Variants in GRID2 observed in about 807,000 individuals in gnomAD.
The protein encoded by GRID2 is glutamate receptor ionotropic, delta-2.
In GRID2, 33 loss-of-function variants were observed where a neutral mutation model predicts 114.8. The ratio of observed to expected loss-of-function variants is 0.29; its 90% CI spans 0.22 to 0.38. The LOEUF is 0.38. GRID2 is among the 10% of genes least tolerant of loss of function. The probability of loss-of-function intolerance (pLI) is 1.00; values close to 1 mark genes in which losing one functional copy is unlikely to be tolerated. For synonymous variants in GRID2, 505 were observed against 449.9 expected (o/e 1.12, Z -1.55); for missense variants, 1,184 against 1,257.7 (o/e 0.94, Z 0.89).
intron 14 of GRID2, among the ~76,000 whole-genome samples, chr4:93,718,389 G>A (rs1292163819): frequency 6.6e-6 from 1 of 152,130 alleles, no homozygotes; most frequent in Non-Finnish European, 1.5e-5. Context: ...TAAATAAAAT[G>A]ACAACTTTTA....
At chr4:93,762,508 T>C (rs1480511927) in intron 14 of GRID2, among the ~76,000 whole-genome samples, 2 of 152,176 alleles carry the variant, frequency 1.3e-5, no homozygotes, top group Non-Finnish European at 2.9e-5. Context: ...GACAAGAAGC[T>C]TGAAGACCTA....
chr4:92,329,648 C>G (rs556223379), intron 1 of GRID2, among the ~76,000 whole-genome samples: 1 of 151,858 alleles, frequency 6.6e-6, no homozygotes, highest in Non-Finnish European at 1.5e-5. Context: ...TGTAGAATAT[C>G]TACATATGCC....
intron 13 of GRID2, among the ~76,000 whole-genome samples, chr4:93,546,681 G>A (rs1733247590): frequency 1.3e-5 from 2 of 152,132 alleles, no homozygotes; most frequent in Admixed American, 6.6e-5. Flanking sequence ...ATACACATGA[G>A]GATCCACAGA....
chr4:93,746,887 T>G (rs907324467), intron 14 of GRID2, among the ~76,000 whole-genome samples: 1 of 152,116 alleles, frequency 6.6e-6, no homozygotes, highest in Non-Finnish European at 1.5e-5. Flanking sequence ...AGAAATTAAC[T>G]CTTTTTTATA....
At chr4:92,747,940 T>A (rs1306248771) in intron 2 of GRID2, among the ~76,000 whole-genome samples, 1 of 152,188 alleles carries the variant, frequency 6.6e-6, no homozygotes, top group Non-Finnish European at 1.5e-5. Flanking sequence ...GAAGTCCCTA[T>A]ACTAGAAGTT....
intron 7 of GRID2, among the ~76,000 whole-genome samples, chr4:93,234,028 ATG>A (rs1746470716): frequency 6.6e-6 from 1 of 152,166 alleles, no homozygotes; most frequent in African/African-American, 2.4e-5. Context: ...TTAAAGCACT[ATG>A]TATCATTTAG....
At chr4:93,048,722 C>A (rs1234797252) in intron 2 of GRID2, among the ~76,000 whole-genome samples, 1 of 152,024 alleles carries the variant, frequency 6.6e-6, no homozygotes, top group East Asian at 1.9e-4. Context: ...GAAGAGAAAG[C>A]AAATCCCTAA....
At chr4:93,318,409 A>G (rs1207185993) in intron 8 of GRID2, among the ~76,000 whole-genome samples, 2 of 152,088 alleles carry the variant, frequency 1.3e-5, no homozygotes, top group Non-Finnish European at 2.9e-5. Flanking sequence ...TTTCATTGTT[A>G]TTAATGTAGA....
chr4:92,838,861 T>C (rs1181069663), intron 2 of GRID2: 4 of 152,056 alleles, frequency 2.6e-5, no homozygotes, highest in African/African-American at 9.7e-5. Flanking sequence ...TTTCCTCTCC[T>C]CTCAGATCTC....
At chr4:93,006,634 A>T (rs1355827808) in intron 2 of GRID2, among the ~76,000 whole-genome samples, 3 of 151,938 alleles carry the variant, frequency 2.0e-5, no homozygotes, top group African/African-American at 7.2e-5. Context: ...AAACCGTATA[A>T]TATCAAAATA....
intron 2 of GRID2, among the ~76,000 whole-genome samples, chr4:92,995,919 G>A (rs1188058638): frequency 6.6e-6 from 1 of 151,664 alleles, no homozygotes; most frequent in East Asian, 1.9e-4. Context: ...ATTCCATACT[G>A]TAATGACACC....
intron 4 of GRID2, among the ~76,000 whole-genome samples, chr4:93,112,744 C>T: frequency 6.6e-6 from 1 of 152,146 alleles, no homozygotes; most frequent in Admixed American, 6.5e-5. Context: ...AAGATGTTGG[C>T]AAGGTTGATT....
At chr4:93,796,625 C>T (rs1272362694) in intron 1 of GRID2, among the ~76,000 whole-genome samples, 1 of 152,198 alleles carries the variant, frequency 6.6e-6, no homozygotes, top group Non-Finnish European at 1.5e-5. Flanking sequence ...CTCACTGCAA[C>T]CTCCACCTCC....
intron 2 of GRID2, among the ~76,000 whole-genome samples, chr4:92,604,229 A>G (rs1314558826): frequency 6.6e-6 from 1 of 152,220 alleles, no homozygotes; most frequent in East Asian, 1.9e-4. Context: ...TTATAAAAAT[A>G]CTTGCATGCG....
chr4:93,546,993 T>A (rs1394419810), intron 13 of GRID2, among the ~76,000 whole-genome samples: 3 of 152,132 alleles, frequency 2.0e-5, no homozygotes, highest in African/African-American at 7.2e-5. Flanking sequence ...AGGGTCTTTC[T>A]AATTTTGCCG....
At chr4:92,750,388 C>G (rs1025665302) in intron 2 of GRID2, among the ~76,000 whole-genome samples, 1 of 151,902 alleles carries the variant, frequency 6.6e-6, no homozygotes, top group Non-Finnish European at 1.5e-5. Context: ...CCCTTAGGAT[C>G]GATAATTAAT....
intron 2 of GRID2, among the ~76,000 whole-genome samples, chr4:92,805,327 T>C (rs1402569011): frequency 6.6e-6 from 1 of 151,994 alleles, no homozygotes; most frequent in African/African-American, 2.4e-5. Context: ...TTGGGATTTC[T>C]TATTGTTCCC....
intron 1 of GRID2, among the ~76,000 whole-genome samples, chr4:92,421,481 C>T (rs986587277): frequency 1.3e-5 from 2 of 152,218 alleles, no homozygotes; most frequent in African/African-American, 2.4e-5. Context: ...CATTTGGTTG[C>T]TGAAGTGGGA....
At chr4:93,465,914 T>A (rs1724221053) in intron 11 of GRID2, among the ~76,000 whole-genome samples, 2 of 152,204 alleles carry the variant, frequency 1.3e-5, no homozygotes, top group African/African-American at 4.8e-5. Flanking sequence ...CATTACTACA[T>A]GTTTTTATAA....
Sources: gnomAD v4.1 joint callset for allele counts (sites outside exome capture counted in the v4.1 genomes callset) on GRCh38, gnomAD v4.1.1 for gene constraint, MANE v1.5 for transcripts, NCBI Gene and HGNC (gene_info 2026-07-23, HGNC 2026-07-21) for gene names.